FIS1: variants seen among roughly 807,000 people sequenced by gnomAD.
FIS1 encodes mitochondrial fission 1 protein.
Under a neutral mutation model 21.6 loss-of-function variants are expected in FIS1, and 16 were observed. The ratio of observed to expected loss-of-function variants is 0.74; its 90% confidence interval spans 0.50 to 1.12. FIS1 has a LOEUF of 1.12. Ranked by LOEUF, FIS1 falls within the 50% of genes most tolerant of loss-of-function variation. The probability of loss-of-function intolerance (pLI) is 0.00; values close to 1 mark genes in which losing one functional copy is unlikely to be tolerated. For missense variants in FIS1, 198 were observed against 190.9 expected, an observed-to-expected ratio of 1.04 and a Z score of -0.22; for synonymous variants, 92 against 82.2, an observed-to-expected ratio of 1.12 and a Z score of -0.65.
At chr7:101,244,937 C>T (rs760544438) in intron 1 of FIS1, 23 bp downstream of exon 1, 1 of 1,613,890 alleles carries the variant, frequency 6.2e-7, no homozygotes, top group Admixed American at 1.7e-5. Context: ...CTTCCCTTTC[C>T]CTCTGTCCGG....
rs1254687692 is a variant in FIS1 at position 101,240,228 on chromosome 7, T to C, written c.275A>G (p.Lys92Arg). Residue 92 changes from lysine (K) to arginine (R), a missense_variant, in exon 4 of 5, where the codon AAG becomes AGG. By Grantham distance (26) the Lys-to-Arg change is conservative. Coordinates refer to ENST00000223136, the MANE Select transcript of FIS1 (RefSeq NM_016068.3). Reference sequence around the variant, plus strand: ...TGTCTGCAGCAACCCGCGGACGTACTTTAAGGCCTTCTCGTATTCCTGCGC... The same window carrying C: ...TGTCTGCAGCAACCCGCGGACGTACCTTAAGGCCTTCTCGTATTCCTGCGC... The part of the protein sequence containing the change: ...YRLKEYEKAL[K>R]YVRGLLQTEP... 6.2e-7 allele frequency: 1 copy of C among 1,614,106 alleles called. No individual in the cohort carries two copies. Among genetic ancestry groups the C allele is most frequent in the Admixed American group, 1.7e-5 (1 of 60,004 alleles).
Position 101,239,474 on chromosome 7 carries a change from T to G in FIS1, c.*332A>C, listed in dbSNP as rs1798701252. On this transcript the variant is annotated 3_prime_UTR_variant, in exon 5 of 5. Coordinates refer to ENST00000223136, the MANE Select transcript of FIS1 (RefSeq NM_016068.3). ...TCAGGAAAGGGAGGAAGGAAGGGTG[T>G]GGGCTCTGGGCTGCGGGGTGGACAA... The G allele has an allele frequency of 2.4e-6, 1 of 412,464 alleles. No homozygotes were observed. The highest frequency in any genetic ancestry group is 3.6e-5 in the Admixed American group (1 of 27,994). 25.6% of individuals were successfully genotyped at this position (412,464 alleles called of 1,614,324 possible). A position where few individuals can be genotyped will look rare whatever the true frequency, so the allele number is the denominator to read the frequency against.
chr7:101,240,327 C>A, intron 3 of FIS1, 80 bp from the exon 4 acceptor site: 1 of 1,447,690 alleles, frequency 6.9e-7, no homozygotes, highest in South Asian at 1.1e-5. Context: ...GAGACGGGGT[C>A]TTGCTCTGTT....
At chr7:101,240,296 T>G in intron 3 of FIS1, 49 bp from the exon 4 acceptor site, 1 of 1,579,344 alleles carries the variant, frequency 6.3e-7, no homozygotes, top group Non-Finnish European at 8.7e-7. Flanking sequence ...AGTGTTTTTT[T>G]GTTTGTTTGT....
intron 1 of FIS1, 51 bp downstream of exon 1, chr7:101,244,909 C>G: frequency 6.2e-7 from 1 of 1,611,196 alleles, no homozygotes; most frequent in Non-Finnish European, 8.5e-7. Flanking sequence ...TGACTCTCCT[C>G]AGGACCCGCC....
At chr7:101,244,590 C>T in intron 1 of FIS1, 1 of 374,128 alleles carries the variant, frequency 2.7e-6, no homozygotes, top group Non-Finnish European at 4.9e-6. Flanking sequence ...ATCTGGCATG[C>T]GATGCCTTAG....
At chr7:101,244,303 CCGGGCCTG>C (rs1308896221) in intron 1 of FIS1, among the ~76,000 whole-genome samples, 164 bp from the exon 2 acceptor site, 3 of 152,232 alleles carry the variant, frequency 2.0e-5, no homozygotes, top group Non-Finnish European at 4.4e-5. Flanking sequence ...TTCGGCTCCT[CCGGGCCTG>C]CGGGCCAGCT....
At chr7:101,241,061 C>T (rs1270853779) in intron 2 of FIS1, 155 bp from the exon 3 acceptor site, 3 of 699,062 alleles carry the variant, frequency 4.3e-6, no homozygotes, top group African/African-American at 3.5e-5. Context: ...ACTCCCAGCA[C>T]CCTAGCCAGA....
At chr7:101,243,036 G>A (rs576991695) in intron 2 of FIS1, among the ~76,000 whole-genome samples, 8 of 152,284 alleles carry the variant, frequency 5.3e-5, no homozygotes, top group African/African-American at 1.9e-4. Context: ...GGGAGAAGGT[G>A]CACAGGTTAC....
In FIS1 at chr7:101,240,175, G is replaced by T. The variant is rs758961528; in HGVS notation, c.328C>A (p.Leu110Met). ...ATGGCCTTGTCAATGAGCCGCTCCAGTTCCTTGGCCTGGTTGTTCTGGGGC... is the reference window on the plus strand; with the variant it reads ...ATGGCCTTGTCAATGAGCCGCTCCATTTCCTTGGCCTGGTTGTTCTGGGGC... ...TEPQNNQAKE[L>M]ERLIDKAMKK... The change falls in exon 4 of 5, where the codon CTG becomes ATG. Residue 110 changes from leucine (L) to methionine (M), a missense_variant. By Grantham distance (15) the Leu-to-Met change is conservative. Coordinates refer to ENST00000223136, the MANE Select transcript of FIS1 (RefSeq NM_016068.3). 5.6e-6 allele frequency: 9 copies of T among 1,614,244 alleles called. No homozygotes were observed. The highest frequency in any genetic ancestry group is 7.6e-6 in the Non-Finnish European group (9 of 1,180,044).
intron 2 of FIS1, among the ~76,000 whole-genome samples, chr7:101,242,484 A>G (rs1352615968): frequency 6.9e-6 from 1 of 145,124 alleles, no homozygotes; most frequent in East Asian, 2.0e-4. Context: ...TCTTATTTTT[A>G]TAGTTTTTTT....
At chr7:101,244,670 GC>G (rs2116852498) in intron 1 of FIS1, 1 of 531,420 alleles carries the variant, frequency 1.9e-6, no homozygotes, top group East Asian at 3.2e-5. Context: ...CTGGAGGAGC[GC>G]CCTGAGCTCA....
intron 2 of FIS1, among the ~76,000 whole-genome samples, chr7:101,242,326 T>C (rs775274599): frequency 1.4e-4 from 21 of 152,298 alleles, no homozygotes; most frequent in Non-Finnish European, 2.6e-4. Flanking sequence ...TAAATCTTCC[T>C]GTCTGTACTG....
chr7:101,239,794 C>A lies in FIS1; in HGVS notation c.*12G>T. 6.3e-7 allele frequency: 1 copy of A among 1,583,882 alleles called. No individual in the cohort carries two copies. The highest frequency in any genetic ancestry group is 8.6e-7 in the Non-Finnish European group (1 of 1,164,404). ...CCTCCTGGAGCGTTCTCCGTGGGCT[C>A]CCGCGTCTCCTTCAGGATTTGGACT... On this transcript the variant is annotated 3_prime_UTR_variant, in exon 5 of 5. Transcript: ENST00000223136.
chr7:101,244,614 G>A (rs576345006), intron 1 of FIS1: 69 of 417,980 alleles, frequency 1.7e-4, no homozygotes, highest in African/African-American at 8.7e-4. Context: ...CGTGCCGGAC[G>A]CAGTAATAGG....
chr7:101,243,875 G>T, intron 2 of FIS1, 132 bp downstream of exon 2: 1 of 1,199,598 alleles, frequency 8.3e-7, no homozygotes, highest in Non-Finnish European at 1.1e-6. Flanking sequence ...AAGTTCACTG[G>T]GAGACGTCAA....
intron 2 of FIS1, among the ~76,000 whole-genome samples, chr7:101,242,489 T>G (rs925351545): frequency 1.1e-5 from 1 of 90,650 alleles, no homozygotes; most frequent in Admixed American, 9.8e-5. Context: ...TTTTTATAGT[T>G]TTTTTTTTTT....
chr7:101,240,224 G>T lies in FIS1; in HGVS notation c.279C>A (p.Tyr93Ter). 1 of 1,614,224 alleles carries T rather than the reference G, an allele frequency of 6.2e-7. No homozygotes were observed. The highest frequency in any genetic ancestry group is 8.5e-7 in the Non-Finnish European group (1 of 1,180,016). Residue 93 changes from tyrosine (Y) to a stop codon, truncating the protein, a stop_gained, in exon 4 of 5, where the codon TAC (tyrosine) becomes TAA (stop). Coordinates refer to ENST00000223136, the MANE Select transcript of FIS1 (RefSeq NM_016068.3). LOFTEE classifies it high-confidence loss of function. ...GCTCTGTCTGCAGCAACCCGCGGAC[G>T]TACTTTAAGGCCTTCTCGTATTCCT... ...RLKEYEKALKYVRGLLQTEPQ... is the reference protein window; with the variant it reads ...RLKEYEKALK
intron 3 of FIS1, among the ~76,000 whole-genome samples, chr7:101,240,476 C>T (rs1254739466): frequency 2.0e-5 from 3 of 152,146 alleles, no homozygotes; most frequent in Non-Finnish European, 4.4e-5. Flanking sequence ...CCTCAGTATC[C>T]ACCACTCCCC....
Sources: allele counts gnomAD v4.1 joint callset (sites outside exome capture counted in the v4.1 genomes callset), GRCh38; gene constraint gnomAD v4.1.1; transcripts MANE v1.5; gene names NCBI Gene and HGNC (gene_info 2026-07-23, HGNC 2026-07-21).